ATP13A2: variants seen among roughly 807,000 people sequenced by gnomAD.
ATP13A2 encodes the protein ATPase cation transporting 13A2.
ATP13A2 carries 83 observed loss-of-function variants against 138.3 expected under a neutral mutation model. The observed-to-expected ratio is 0.60, with a 90% CI of 0.50 to 0.72. The LOEUF is 0.72. ATP13A2 is among the 30% of genes least tolerant of loss of function. The pLI is 0.00. For missense variants in ATP13A2, 1,402 were observed against 1,606.4 expected (o/e 0.87, Z 2.17); for synonymous variants, 663 against 699.0 (o/e 0.95, Z 0.81).
At position 17,011,201 on chromosome 1, in the gene ATP13A2, G is replaced by C. The variant is rs1233923369; in HGVS notation, c.10+528C>G. ...TGTGGCCCTTGGCCCTGGGTGTGACGGGTTTTCTCTGGGGTCTGAGGCAGG... is the reference window on the plus strand; with the variant it reads ...TGTGGCCCTTGGCCCTGGGTGTGACCGGTTTTCTCTGGGGTCTGAGGCAGG... On this transcript the variant is annotated intron_variant, in intron 1 of 28. Coordinates refer to ENST00000326735, the MANE Select transcript of ATP13A2 (RefSeq NM_022089.4). The surrounding 1 kb of genome is among the most constrained non-coding windows in gnomAD (Gnocchi z 7.3). Among the ~76,000 whole-genome samples, 2 of 152,218 alleles carry C rather than the reference G, an allele frequency of 1.3e-5. No homozygotes were observed. Among genetic ancestry groups the C allele is most frequent in the Non-Finnish European group, 2.9e-5 (2 of 67,994 alleles).
rs746372968 is a variant in ATP13A2, at chr1:16,987,186, C to T, written c.2943G>A (p.Thr981=). ...CCCGTCCCAGGACCAGCGCTGGCCCCGTGCGGCTCATGAGCACTGCCACTG... is the reference window on the plus strand; with the variant it reads ...CCCGTCCCAGGACCAGCGCTGGCCCTGTGCGGCTCATGAGCACTGCCACTG... The part of the protein sequence containing the change: ...TTTVAVLMSR[T]GPALVLGRVR... The change falls in exon 26 of 29, where the codon ACG becomes ACA. Residue 981 remains threonine, a synonymous_variant. Coordinates refer to ENST00000326735, the MANE Select transcript of ATP13A2 (RefSeq NM_022089.4). The T allele has an allele frequency of 1.5e-5, 25 of 1,613,582 alleles. No individual in the cohort carries two copies. Among genetic ancestry groups the T allele is most frequent in the East Asian group, 4.5e-5 (2 of 44,888 alleles).
chr1:17,000,369 G>A (rs779138383), intron 9 of ATP13A2, 31 bp downstream of exon 9: 3 of 1,598,978 alleles, frequency 1.9e-6, no homozygotes, highest in African/African-American at 2.7e-5. Context: ...GGACCCACCT[G>A]TCCCGTCCCC....
At position 16,987,829 on chromosome 1, in the gene ATP13A2, G is replaced by A. The variant is rs114627663; in HGVS notation, c.2859+309C>T. Among the ~76,000 whole-genome samples the A allele has an allele frequency of 9.5e-3, 1,451 of 152,300 alleles. 27 individuals are homozygous for A. The highest frequency in any genetic ancestry group is 0.033 in the African/African-American group (1,386 of 41,564). On this transcript the variant is annotated intron_variant, in intron 25 of 28. Transcript: ENST00000326735. ...AGACCTGTGGGGATGGGGCGGGGGC[G>A]AGGGTTTTGGCCCTGCCTCCGTTCA...
chr1:16,999,713 G>A (rs922749151), intron 11 of ATP13A2, among the ~76,000 whole-genome samples: 2 of 152,094 alleles, frequency 1.3e-5, no homozygotes, highest in Non-Finnish European at 2.9e-5. Context: ...ACCAGCCTGG[G>A]CAACATAGTG....
chr1:17,004,536 G>A lies in ATP13A2; in HGVS notation c.478-125C>T. 1 of 1,534,162 alleles carries A rather than the reference G, an allele frequency of 6.5e-7. No individual in the cohort carries two copies. Among genetic ancestry groups the A allele is most frequent in the Non-Finnish European group, 8.9e-7 (1 of 1,120,408 alleles). ...CTGGTGTCACCAGACAGAGAGGTGGGGAGAGGCCTGAAAGTGTAAACGTGC... is the reference window on the plus strand; with the variant it reads ...CTGGTGTCACCAGACAGAGAGGTGGAGAGAGGCCTGAAAGTGTAAACGTGC... On this transcript the variant is annotated intron_variant, in intron 5 of 28. Transcript: ENST00000326735. The surrounding 1 kb of genome is among the most constrained non-coding windows in gnomAD (Gnocchi z 4.1).
chr1:16,996,100 A>C lies in ATP13A2; in HGVS notation c.1418T>G (p.Leu473Arg), dbSNP rs550388033. Residue 473 changes from leucine to arginine, a missense_variant, in exon 15 of 29, where the codon CTG (leucine) becomes CGG (arginine). Physicochemically the swap from Leu to Arg is moderately radical, Grantham distance 102 (BLOSUM62 -2). Coordinates refer to ENST00000326735, the MANE Select transcript of ATP13A2 (RefSeq NM_022089.4). ...CGTGCACACAGTCATGGCAGCAGGCAGGGCAGGTGGCACCACCACGGTCAC... is the reference window on the plus strand; with the variant it reads ...CGTGCACACAGTCATGGCAGCAGGCCGGGCAGGTGGCACCACCACGGTCAC... The part of the protein sequence containing the change: ...DLVTVVVPPA[L>R]PAAMTVCTLY... 5 of 1,614,080 alleles carry C rather than the reference A, an allele frequency of 3.1e-6. No homozygotes were observed. In the South Asian group the frequency reaches 3.3e-5, roughly 11 times the overall value.
Position 17,002,023 on chromosome 1 carries a change from G to C in ATP13A2, c.705+11C>G. On this transcript the variant is annotated intron_variant, in intron 8 of 28. Transcript: ENST00000326735. ...AGGCAGGGCTGGGGCAAGACCCAGG[G>C]ACAGCCCTACCTCGTCCACCAGCAG... 6.2e-7 allele frequency: 1 copy of C among 1,606,714 alleles called. No homozygotes were observed. The highest frequency in any genetic ancestry group is 1.7e-5 in the Admixed American group (1 of 59,584).
In ATP13A2 at chr1:16,987,138, G is replaced by A; in HGVS notation, c.2991C>T (p.Leu997=). ...GCAGGCTGCTGAGCACGGGCACGCT[G>A]AGCAGCGCCCCCGGTGGCCGCACCC... ...LGRVRPPGAL[L]SVPVLSSLLL... is the part of the protein sequence containing the mutation. Residue 997 remains leucine, a synonymous_variant, in exon 26 of 29, where the codon CTC becomes CTT. Coordinates refer to ENST00000326735, the MANE Select transcript of ATP13A2 (RefSeq NM_022089.4). The A allele has an allele frequency of 1.2e-6, 2 of 1,613,048 alleles. No individual in the cohort carries two copies. Among genetic ancestry groups the A allele is most frequent in the Non-Finnish European group, 1.7e-6 (2 of 1,179,650 alleles).
At position 17,005,715 on chromosome 1, in the gene ATP13A2, A is replaced by G; in HGVS notation, c.74T>C (p.Ile25Thr). The G allele has an allele frequency of 6.2e-7, 1 of 1,613,884 alleles. No homozygotes were observed. ...TGAAACTGAGGAGCTGAGGGGATCTATTGATGTCCCTATCGTCAGGGTCCC... is the reference window on the plus strand; with the variant it reads ...TGAAACTGAGGAGCTGAGGGGATCTGTTGATGTCCCTATCGTCAGGGTCCC... ...GYGTLTIGTSIDPLSSSVSSV... is the reference protein window; with the variant it reads ...GYGTLTIGTSTDPLSSSVSSV... Residue 25 changes from isoleucine to threonine, a missense_variant, in exon 2 of 29, where the codon ATA becomes ACA. Physicochemically the swap from Ile to Thr is moderately conservative, Grantham distance 89. Transcript: ENST00000326735.
rs1232321702 is a variant in ATP13A2 at position 16,991,810 on chromosome 1, C to T, written c.2175G>A (p.Arg725=). 5 of 1,614,036 alleles carry T rather than the reference C, an allele frequency of 3.1e-6. No individual in the cohort carries two copies. The highest frequency in any genetic ancestry group is 4.2e-6 in the Non-Finnish European group (5 of 1,180,062). Reference sequence around the variant, plus strand: ...GCGTTGTCTGCGGCTTCAGTAGGTTCCTCATGACCAGCAGCCCCAGGAGGC... The same window carrying T: ...GCGTTGTCTGCGGCTTCAGTAGGTTTCTCATGACCAGCAGCCCCAGGAGGC... ...DLSLLGLLVM[R]NLLKPQTTPV... Residue 725 remains arginine, a synonymous_variant, in exon 20 of 29, where the codon AGG becomes AGA. Transcript: ENST00000326735.
rs2077813112 is a variant in ATP13A2 at position 17,011,854 on chromosome 1, G to GGCTAGC, written c.-122_-117dup. Reference sequence around the variant, plus strand: ...GGACGGCCCGGGGCGAGGGGCGCTGGGCTAGCGCGGGGCTGGAGCAGGGCT... The same window carrying GGCTAGC: ...GGACGGCCCGGGGCGAGGGGCGCTGGGCTAGCGCTAGCGCGGGGCTGGAGCAGGGCT... On this transcript the variant is annotated 5_prime_UTR_variant, in exon 1 of 29. Coordinates refer to ENST00000326735, the MANE Select transcript of ATP13A2 (RefSeq NM_022089.4). This position sits in a 1 kb window ranked among gnomAD's most constrained non-coding sequence, Gnocchi z 7.3. The GGCTAGC allele has an allele frequency of 1.0e-6, 1 of 979,208 alleles. No homozygotes were observed. The highest frequency in any genetic ancestry group is 1.2e-6 in the Non-Finnish European group (1 of 811,480). 60.7% of individuals were successfully genotyped at this position (979,208 alleles called of 1,614,324 possible).
chr1:17,007,602 A>G lies in ATP13A2; in HGVS notation c.11-1824T>C, dbSNP rs544121433. The stretch of plus-strand genomic sequence containing the variant: ...AGTCTCGCTCTGTCACCCAGGCTGG[A>G]GTGCAGTGGCGCGATCTCGGCTCAC... On this transcript the variant is annotated intron_variant, in intron 1 of 28. Coordinates refer to ENST00000326735, the MANE Select transcript of ATP13A2 (RefSeq NM_022089.4). Among the ~76,000 whole-genome samples the G allele has an allele frequency of 6.8e-5, 9 of 132,686 alleles. No individual in the cohort carries two copies. In the South Asian group the frequency reaches 2.1e-3, roughly 31 times the overall value. 87.0% of individuals were successfully genotyped at this position (132,686 alleles called of 152,430 possible). A position where few individuals can be genotyped will look rare whatever the true frequency, so the allele number is the denominator to read the frequency against.
At chr1:16,997,831 ACT>A (rs1473063099) in intron 11 of ATP13A2, among the ~76,000 whole-genome samples, 1 of 130,636 alleles carries the variant, frequency 7.7e-6, no homozygotes, top group African/African-American at 2.9e-5. Flanking sequence ...ACAGAGTGAA[ACT>A]CTGTCTCAAA....
At chr1:16,991,708 G>A (rs746928639) in intron 20 of ATP13A2, 26 bp downstream of exon 20, 2 of 1,613,960 alleles carry the variant, frequency 1.2e-6, no homozygotes. Context: ...TGCCCTGCTA[G>A]CCCGGGCCCC....
chr1:17,000,978 A>T, intron 8 of ATP13A2: 1 of 180,208 alleles, frequency 5.5e-6, no homozygotes, highest in South Asian at 1.2e-4. Flanking sequence ...GGATAAGGGT[A>T]TTTACTGAAC....
chr1:17,004,829 A>G lies in ATP13A2; in HGVS notation c.348-8T>C. 6.2e-7 allele frequency: 1 copy of G among 1,613,632 alleles called. No individual in the cohort carries two copies. Among genetic ancestry groups the G allele is most frequent in the Non-Finnish European group, 8.5e-7 (1 of 1,179,874 alleles). On this transcript the variant is annotated splice_polypyrimidine_tract_variant and splice_region_variant and intron_variant, in intron 4 of 28. Coordinates refer to ENST00000326735, the MANE Select transcript of ATP13A2 (RefSeq NM_022089.4). The surrounding 1 kb of genome is among the most constrained non-coding windows in gnomAD (Gnocchi z 4.1). Reference sequence around the variant, plus strand: ...TGTGGGGACGGCTCCAGGCTGGGGAAGCAGGTGAGGGTTACTCTCGAGCTC... The same window carrying G: ...TGTGGGGACGGCTCCAGGCTGGGGAGGCAGGTGAGGGTTACTCTCGAGCTC...
chr1:16,989,251 GC>G (rs2076839949), intron 23 of ATP13A2, among the ~76,000 whole-genome samples: 1 of 152,102 alleles, frequency 6.6e-6, no homozygotes. Context: ...TCGCTCTGTT[GC>G]CCAGGCTGAA....
intron 15 of ATP13A2, 65 bp from the exon 16 acceptor site, chr1:16,993,900 C>A: frequency 7.3e-7 from 1 of 1,374,604 alleles, no homozygotes. Context: ...CTGAGCTGGG[C>A]CTCCAAACCC....
chr1:17,011,745 T>A lies in ATP13A2; in HGVS notation c.-7A>T, dbSNP rs1037728832. ...CGCACTCACCTGCGCTCATGCCGGC[T>A]CCTCGCGCTCATCGCCGGCCCCGGC... is the stretch of plus-strand genomic sequence containing the variant. On this transcript the variant is annotated 5_prime_UTR_variant, in exon 1 of 29. Coordinates refer to ENST00000326735, the MANE Select transcript of ATP13A2 (RefSeq NM_022089.4). This position sits in a 1 kb window ranked among gnomAD's most constrained non-coding sequence, Gnocchi z 7.3. The A allele has an allele frequency of 6.2e-6, 9 of 1,458,020 alleles. No homozygotes were observed. The African/African-American group carries it at 8.9e-5, about 14-fold the overall frequency. 90.3% of individuals were successfully genotyped at this position (1,458,020 alleles called of 1,614,324 possible).
Sources: gnomAD v4.1 joint callset for allele counts (sites outside exome capture counted in the v4.1 genomes callset) on GRCh38, gnomAD v4.1.1 for gene constraint, Gnocchi (gnomAD v3.1) non-coding constraint, MANE v1.5 for transcripts, NCBI Gene and HGNC (gene_info 2026-07-23, HGNC 2026-07-21) for gene names.